Variants in NPAS2 observed in about 807,000 individuals in gnomAD.
The protein encoded by NPAS2 is neuronal PAS domain protein 2.
Under a neutral mutation model 107.5 loss-of-function variants are expected in NPAS2, and 23 were observed. That is an observed-to-expected ratio of 0.21 (90% CI 0.15 to 0.30). NPAS2 has a LOEUF of 0.30. Among genes scored for constraint, NPAS2 ranks in the 10% least tolerant of loss-of-function variants. NPAS2 has a pLI of 1.00. For missense variants in NPAS2, 756 were observed against 1,043.3 expected, an observed-to-expected ratio of 0.72 and a Z score of 3.79; for synonymous variants, 403 against 417.5, an observed-to-expected ratio of 0.97 and a Z score of 0.42.
intron 5 of NPAS2, among the ~76,000 whole-genome samples, chr2:100,946,993 C>T (rs568404836): frequency 1.6e-4 from 24 of 152,130 alleles, no homozygotes; most frequent in Admixed American, 1.4e-3. Flanking sequence ...GAAAGAATGC[C>T]GATGTTCAGG....
At chr2:100,826,094 G>A (rs934868921) in intron 1 of NPAS2, among the ~76,000 whole-genome samples, 1 of 152,166 alleles carries the variant, frequency 6.6e-6, no homozygotes, top group Non-Finnish European at 1.5e-5. Flanking sequence ...TAACCATGGG[G>A]CATGTTCTGC....
At chr2:100,907,561 C>A (rs1682246826) in intron 2 of NPAS2, among the ~76,000 whole-genome samples, 1 of 151,510 alleles carries the variant, frequency 6.6e-6, no homozygotes, top group Admixed American at 6.6e-5. Context: ...GTTTTTATAG[C>A]AGTAACATGG....
intron 1 of NPAS2, among the ~76,000 whole-genome samples, chr2:100,845,523 C>T (rs1677721735): frequency 6.6e-6 from 1 of 152,232 alleles, no homozygotes; most frequent in Admixed American, 6.5e-5. Flanking sequence ...GGAAGCCACC[C>T]AGCCAGGCAG....
At chr2:100,887,787 T>G (rs1680803549) in intron 1 of NPAS2, among the ~76,000 whole-genome samples, 1 of 152,128 alleles carries the variant, frequency 6.6e-6, no homozygotes, top group Non-Finnish European at 1.5e-5. Flanking sequence ...AGGCTGGGTC[T>G]GGGATCAGCC....
At chr2:100,832,300 C>T (rs1372990021) in intron 1 of NPAS2, among the ~76,000 whole-genome samples, 1 of 152,176 alleles carries the variant, frequency 6.6e-6, no homozygotes, top group Non-Finnish European at 1.5e-5. Flanking sequence ...CCCTTCCCAC[C>T]CTGGGCAGGT....
At chr2:100,918,350 T>C (rs1425443438) in intron 2 of NPAS2, among the ~76,000 whole-genome samples, 9 of 151,840 alleles carry the variant, frequency 5.9e-5, no homozygotes, top group African/African-American at 2.2e-4. Flanking sequence ...AGGCAAAGAG[T>C]TCCTAGACCT....
At chr2:100,832,603 G>A (rs1479313709) in intron 1 of NPAS2, among the ~76,000 whole-genome samples, 2 of 152,138 alleles carry the variant, frequency 1.3e-5, no homozygotes, top group Non-Finnish European at 2.9e-5. Flanking sequence ...CTGTGCAGTA[G>A]GTTTTTCTCC....
At chr2:100,856,328 C>T (rs561504577) in intron 1 of NPAS2, among the ~76,000 whole-genome samples, 1 of 152,168 alleles carries the variant, frequency 6.6e-6, no homozygotes, top group South Asian at 2.1e-4. Flanking sequence ...AGAACTGTTT[C>T]GTTACATGAC....
At chr2:100,819,936 G>T (rs1425481530), upstream of NPAS2, among the ~76,000 whole-genome samples, 1 of 151,960 alleles carries the variant, frequency 6.6e-6, no homozygotes, top group Non-Finnish European at 1.5e-5. This position sits in a 1 kb window ranked among gnomAD's most constrained non-coding sequence, Gnocchi z 5.8. Flanking sequence ...CGGGGGTCTA[G>T]GGGGCCGGGG....
At chr2:100,829,212 T>A (rs1173882264) in intron 1 of NPAS2, among the ~76,000 whole-genome samples, 8 of 148,530 alleles carry the variant, frequency 5.4e-5, no homozygotes, top group Non-Finnish European at 1.2e-4. Flanking sequence ...TGAGACAGAG[T>A]CTCATTCTGT....
Position 100,993,430 on chromosome 2 carries a change from T to C in NPAS2, c.2195T>C (p.Met732Thr), listed in dbSNP as rs1052716751. 6.2e-7 allele frequency: 1 copy of C among 1,613,574 alleles called. No homozygotes were observed. The highest frequency in any genetic ancestry group is 1.3e-5 in the African/African-American group (1 of 75,050). ...AGCGCCCCGATGCCCGTCCTGCTGA[T>C]GGGGCAGGCGGTGCTCCACCCCAGC... The part of the protein sequence containing the change: ...SSSAPMPVLL[M>T]GQAVLHPSFP... Residue 732 changes from methionine to threonine, a missense_variant, in exon 20 of 21, where the codon ATG becomes ACG. Transcript: ENST00000335681.
intron 2 of NPAS2, among the ~76,000 whole-genome samples, chr2:100,910,985 A>G (rs1682512738): frequency 6.6e-6 from 1 of 152,196 alleles, no homozygotes; most frequent in Admixed American, 6.5e-5. Flanking sequence ...AGGGGACTGC[A>G]CTGACCTTAT....
intron 16 of NPAS2, chr2:100,982,600 C>A: frequency 1.7e-6 from 1 of 584,084 alleles, no homozygotes; most frequent in Non-Finnish European, 3.0e-6. Context: ...TCCCTCGCCC[C>A]TCACTCTGAC....
chr2:100,885,241 C>T (rs1024409796), intron 1 of NPAS2, among the ~76,000 whole-genome samples: 2 of 152,100 alleles, frequency 1.3e-5, no homozygotes, highest in African/African-American at 4.8e-5. Context: ...TGAGCCACCG[C>T]GCCCAGCCGA....
chr2:100,823,121 A>G (rs1676172579), intron 1 of NPAS2, among the ~76,000 whole-genome samples: 1 of 152,182 alleles, frequency 6.6e-6, no homozygotes, highest in Non-Finnish European at 1.5e-5. Flanking sequence ...GTTGGTGGTC[A>G]CTATCCAAAG....
chr2:100,982,465 C>T, intron 16 of NPAS2, 88 bp downstream of exon 16: 1 of 1,492,296 alleles, frequency 6.7e-7, no homozygotes, highest in Non-Finnish European at 9.1e-7. Context: ...GACTTCCTCC[C>T]AAGCCCTGTG....
intron 1 of NPAS2, among the ~76,000 whole-genome samples, chr2:100,892,837 C>G (rs940664862): frequency 6.6e-6 from 1 of 152,106 alleles, no homozygotes; most frequent in Non-Finnish European, 1.5e-5. Flanking sequence ...CCTGCCTCAG[C>G]CTCTTGAGTA....
intron 1 of NPAS2, among the ~76,000 whole-genome samples, chr2:100,893,639 A>C (rs574792293): frequency 1.3e-5 from 2 of 152,350 alleles, no homozygotes; most frequent in South Asian, 4.1e-4. Context: ...AAAAATTCTA[A>C]ATTAAAAGAC....
intron 1 of NPAS2, among the ~76,000 whole-genome samples, chr2:100,897,912 C>G (rs1209865120): frequency 6.6e-6 from 1 of 152,192 alleles, no homozygotes; most frequent in Non-Finnish European, 1.5e-5. Flanking sequence ...GCAGTTGGCA[C>G]ATTTGTGCTT....
Sources: allele counts gnomAD v4.1 joint callset (sites outside exome capture counted in the v4.1 genomes callset), GRCh38; gene constraint gnomAD v4.1.1; non-coding constraint Gnocchi (gnomAD v3.1); transcripts MANE v1.5; gene names NCBI Gene and HGNC (gene_info 2026-07-23, HGNC 2026-07-21).